SGCD: variants seen among roughly 807,000 people sequenced by gnomAD.
SGCD encodes delta-sarcoglycan.
A neutral mutation model predicts 36.6 loss-of-function variants in SGCD; 18 were observed. The observed-to-expected ratio is 0.49, with a 90% CI of 0.34 to 0.73. The LOEUF is 0.73. Among genes scored for constraint, SGCD ranks in the 30% least tolerant of loss-of-function variants. The pLI is 0.01. For synonymous variants in SGCD, 133 were observed against 130.6 expected (o/e 1.02, Z -0.12); for missense variants, 387 against 346.7 (o/e 1.12, Z -0.92).
At chr5:156,177,849 C>T (rs1181410835) in intron 3 of SGCD, among the ~76,000 whole-genome samples, 1 of 152,048 alleles carries the variant, frequency 6.6e-6, no homozygotes, top group African/African-American at 2.4e-5. Flanking sequence ...GCGGCATTGA[C>T]CAATTTGACA....
intron 1 of SGCD, among the ~76,000 whole-genome samples, chr5:155,909,657 A>T (rs1756591259): frequency 1.3e-5 from 2 of 152,170 alleles, no homozygotes; most frequent in South Asian, 4.1e-4. Context: ...AGAGCTTCTG[A>T]GATCACTGTG....
At chr5:155,799,810 CCCTTTTTTTT>C in the SGCD span, among the ~76,000 whole-genome samples, 5 of 90,276 alleles carry the variant, frequency 5.5e-5, no homozygotes, top group East Asian at 4.4e-4. Context: ...CTTCCTATTC[CCCTTTTTTTT>C]TTTTTTTTTT....
At chr5:156,675,063 G>A (rs1581379798) in intron 7 of SGCD, among the ~76,000 whole-genome samples, 1 of 152,148 alleles carries the variant, frequency 6.6e-6, no homozygotes, top group East Asian at 1.9e-4. Flanking sequence ...CGTGATGGCA[G>A]CACTTGGTAA....
At chr5:156,399,625 C>T (rs1580930382) in intron 3 of SGCD, among the ~76,000 whole-genome samples, 1 of 152,066 alleles carries the variant, frequency 6.6e-6, no homozygotes, top group Admixed American at 6.6e-5. Context: ...GTTAAGACAA[C>T]GAAGACAAGA....
intron 7 of SGCD, among the ~76,000 whole-genome samples, chr5:156,707,895 A>G (rs1420898671): frequency 6.6e-6 from 1 of 152,202 alleles, no homozygotes; most frequent in African/African-American, 2.4e-5. Context: ...TTCAACAATA[A>G]CAGAAGAGAT....
chr5:156,332,964 G>A (rs1030780694), intron 2 of SGCD, among the ~76,000 whole-genome samples: 1 of 152,156 alleles, frequency 6.6e-6, no homozygotes, highest in South Asian at 2.1e-4. Context: ...CTCAATAGAT[G>A]TACATACATA....
chr5:156,375,848 ACT>A (rs1281766228), intron 3 of SGCD, among the ~76,000 whole-genome samples: 2 of 151,306 alleles, frequency 1.3e-5, no homozygotes, highest in South Asian at 4.2e-4. Context: ...TATTTTGGAA[ACT>A]CTGCTATATT....
chr5:156,603,591 C>T (rs1581237596), intron 6 of SGCD, among the ~76,000 whole-genome samples: 1 of 151,952 alleles, frequency 6.6e-6, no homozygotes, highest in Non-Finnish European at 1.5e-5. Flanking sequence ...TTTGCAATGT[C>T]TCAGGCTTTG....
intron 1 of SGCD, among the ~76,000 whole-genome samples, chr5:155,876,591 G>T (rs942715883): frequency 9.6e-4 from 146 of 152,062 alleles, no homozygotes; most frequent in African/African-American, 3.4e-3. Flanking sequence ...GTATTTGTAA[G>T]GGTTATAGTG....
intron 1 of SGCD, among the ~76,000 whole-genome samples, chr5:156,003,067 A>G (rs1274454781): frequency 6.6e-6 from 1 of 152,208 alleles, no homozygotes; most frequent in Non-Finnish European, 1.5e-5. Context: ...GAGTTAATGA[A>G]GCCATCCCAA....
At chr5:155,759,360 T>G in the SGCD span, among the ~76,000 whole-genome samples, 36 of 152,340 alleles carry the variant, frequency 2.4e-4, no homozygotes, top group African/African-American at 8.2e-4. Context: ...ACCACCTTTT[T>G]TCTCTCTATT....
At chr5:155,990,634 C>A (rs1368843565) in intron 1 of SGCD, among the ~76,000 whole-genome samples, 1 of 152,118 alleles carries the variant, frequency 6.6e-6, no homozygotes, top group Non-Finnish European at 1.5e-5. Context: ...ATCCTTTTAG[C>A]CCCAAGGCCT....
At chr5:155,751,657 G>A in the SGCD span, among the ~76,000 whole-genome samples, 39 of 151,046 alleles carry the variant, frequency 2.6e-4, no homozygotes, top group Admixed American at 2.4e-3. Flanking sequence ...GATTATAGGC[G>A]TGAGCCACCA....
At chr5:155,987,042 A>G (rs1758346720) in intron 1 of SGCD, among the ~76,000 whole-genome samples, 1 of 152,298 alleles carries the variant, frequency 6.6e-6, no homozygotes, top group Non-Finnish European at 1.5e-5. Flanking sequence ...TTAAGACAGA[A>G]TGTGGCCAAT....
intron 6 of SGCD, among the ~76,000 whole-genome samples, chr5:156,599,868 T>G (rs942416534): frequency 6.6e-6 from 1 of 152,216 alleles, no homozygotes; most frequent in African/African-American, 2.4e-5. Flanking sequence ...GTATGTTGCT[T>G]CATCGTTCTA....
the SGCD span, among the ~76,000 whole-genome samples, chr5:155,763,986 G>T: frequency 6.6e-6 from 1 of 152,060 alleles, no homozygotes; most frequent in East Asian, 1.9e-4. Flanking sequence ...TGCAGGGAGA[G>T]AAACTTAAAC....
At chr5:156,576,677 G>T (rs1759972045) in intron 4 of SGCD, among the ~76,000 whole-genome samples, 1 of 152,202 alleles carries the variant, frequency 6.6e-6, no homozygotes, top group African/African-American at 2.4e-5. Flanking sequence ...TATGACCAGT[G>T]ATGATAAGCA....
intron 4 of SGCD, among the ~76,000 whole-genome samples, chr5:156,524,287 T>TTATATATATATATA (rs5872468): frequency 1.2e-4 from 16 of 130,176 alleles, no homozygotes; most frequent in African/African-American, 4.0e-4. Flanking sequence ...ATATATATAG[T>TTATATATATATATA]TATATATATA....
At chr5:156,294,939 T>C (rs912997416) in intron 3 of SGCD, among the ~76,000 whole-genome samples, 4 of 152,188 alleles carry the variant, frequency 2.6e-5, no homozygotes, top group African/African-American at 9.6e-5. Context: ...TTATCTGTAG[T>C]TTTATTGTAG....
Sources: allele counts gnomAD v4.1 joint callset (sites outside exome capture counted in the v4.1 genomes callset), GRCh38; gene constraint gnomAD v4.1.1; transcripts MANE v1.5; gene names NCBI Gene and HGNC (gene_info 2026-07-23, HGNC 2026-07-21).